The following BCL2L11 variants were observed in gnomAD, a reference collection of about 807,000 sequenced individuals.
BCL2L11 encodes the protein bcl-2-like protein 11.
BCL2L11 carries 15 observed loss-of-function variants against 20.6 expected under a neutral mutation model. The ratio of observed to expected loss-of-function variants is 0.73; its 90% CI spans 0.49 to 1.12. BCL2L11 has a LOEUF of 1.12. Among genes scored for constraint, BCL2L11 ranks in the 50% most tolerant of loss-of-function variants. The pLI is 0.00. For missense variants in BCL2L11, 292 were observed against 260.9 expected, an observed-to-expected ratio of 1.12 and a Z score of -0.82; for synonymous variants, 108 against 92.8, an observed-to-expected ratio of 1.16 and a Z score of -0.94.
intron 3 of BCL2L11, among the ~76,000 whole-genome samples, chr2:111,153,621 C>T (rs985024064): frequency 2.6e-5 from 4 of 152,154 alleles, no homozygotes; most frequent in African/African-American, 7.2e-5. Context: ...TCTTGGCAAG[C>T]GAGTGTATCT....
At chr2:111,158,369 G>C (rs1470053) in intron 3 of BCL2L11, among the ~76,000 whole-genome samples, 1 of 151,902 alleles carries the variant, frequency 6.6e-6, no homozygotes, top group African/African-American at 2.4e-5. Flanking sequence ...ACAGCCCCTG[G>C]GTATTCTCAG....
At chr2:111,134,007 A>G (rs1018673032) in intron 2 of BCL2L11, among the ~76,000 whole-genome samples, 7 of 152,110 alleles carry the variant, frequency 4.6e-5, no homozygotes, top group Non-Finnish European at 7.4e-5. Flanking sequence ...TAATGTATTA[A>G]TGTTAACATA....
At chr2:111,144,345 A>G (rs1177144226) in intron 2 of BCL2L11, 2 of 869,100 alleles carry the variant, frequency 2.3e-6, no homozygotes, top group East Asian at 2.7e-5. Flanking sequence ...AGTGAGAAAT[A>G]GACCTGGAGG....
Position 111,161,443 on chromosome 2 carries a change from C to T in BCL2L11, c.499-2690C>T, listed in dbSNP as rs61634451. ...GATGCCTCTTCCACCTGATTAAGAA[C>T]CACTGTAGCAGACGCAGACTTATTG... On this transcript the variant is annotated intron_variant, in intron 3 of 3. Coordinates refer to ENST00000393256, the MANE Select transcript of BCL2L11 (RefSeq NM_138621.5). 1,826 of 1,550,528 alleles carry T rather than the reference C, an allele frequency of 1.2e-3. 17 individuals carry two copies. The African/African-American group carries it at 0.014, about 12-fold the overall frequency.
At chr2:111,130,629 T>G (rs913605485) in intron 2 of BCL2L11, among the ~76,000 whole-genome samples, 1 of 152,218 alleles carries the variant, frequency 6.6e-6, no homozygotes, top group Non-Finnish European at 1.5e-5. Context: ...CAGCTAGAAT[T>G]TCTAGTGTTT....
intron 3 of BCL2L11, among the ~76,000 whole-genome samples, chr2:111,153,436 A>C (rs1240153442): frequency 1.3e-5 from 2 of 152,158 alleles, no homozygotes; most frequent in Non-Finnish European, 2.9e-5. Flanking sequence ...GTGATCTTCA[A>C]AGCCACAGAC....
chr2:111,128,729 T>A (rs1179110223), intron 2 of BCL2L11: 2 of 1,548,584 alleles, frequency 1.3e-6, no homozygotes, highest in South Asian at 2.4e-5. Context: ...ACAGAACAAC[T>A]CAACCACAAG....
At chr2:111,150,195 C>A (rs2077082338) in intron 3 of BCL2L11, 48 bp downstream of exon 3, 2 of 1,590,494 alleles carry the variant, frequency 1.3e-6, no homozygotes, top group Non-Finnish European at 8.6e-7. Context: ...CCTCCCCTTC[C>A]ACACTATATT....
rs1423784602 is a variant in BCL2L11, at chr2:111,142,404, TC to T, written c.395-7639del. ...TAGCAAAATCAAGGTGAAAAGTTTT[TC>T]TTTTTATTCAAAATGGGATAAAAAG... On this transcript the variant is annotated intron_variant, in intron 2 of 3. Transcript: ENST00000393256. The T allele has an allele frequency of 9.0e-6, 14 of 1,547,048 alleles. No individual in the cohort carries two copies. In the Admixed American group the frequency reaches 1.8e-4, roughly 20 times the overall value.
At chr2:111,131,514 T>C (rs2073950384) in intron 2 of BCL2L11, 1 of 152,164 alleles carries the variant, frequency 6.6e-6, no homozygotes, top group Admixed American at 6.5e-5. Flanking sequence ...TTTCCAAAAG[T>C]TTATCAGTTT....
At chr2:111,141,667 AAAT>A (rs551292240) in intron 2 of BCL2L11, among the ~76,000 whole-genome samples, 9 of 151,258 alleles carry the variant, frequency 6.0e-5, no homozygotes, top group Non-Finnish European at 1.0e-4. Flanking sequence ...AGTATATAAA[AAAT>A]AATAATAATA....
chr2:111,137,466 G>A (rs576627437), intron 2 of BCL2L11, among the ~76,000 whole-genome samples: 1 of 152,206 alleles, frequency 6.6e-6, no homozygotes, highest in South Asian at 2.1e-4. Context: ...GCTGAGACTT[G>A]TGCTGGGGCA....
intron 3 of BCL2L11, among the ~76,000 whole-genome samples, chr2:111,159,751 C>T (rs544958130): frequency 1.3e-5 from 2 of 152,326 alleles, no homozygotes; most frequent in African/African-American, 2.4e-5. Flanking sequence ...GCTGCAGTGG[C>T]AGCTCCAGCC....
At chr2:111,146,011 G>A in intron 2 of BCL2L11, 1 of 983,878 alleles carries the variant, frequency 1.0e-6, no homozygotes, top group Non-Finnish European at 1.2e-6. Flanking sequence ...GCTACTTGCA[G>A]GATTGGAGCT....
chr2:111,146,123 T>C, intron 2 of BCL2L11: 5 of 985,322 alleles, frequency 5.1e-6, no homozygotes, highest in Non-Finnish European at 6.0e-6. Flanking sequence ...TGGAGTGAAG[T>C]GCTTTCATAA....
chr2:111,153,890 G>GT, intron 3 of BCL2L11: 1 of 1,548,856 alleles, frequency 6.5e-7, no homozygotes, highest in Non-Finnish European at 8.7e-7. Flanking sequence ...GAAGGAGGAG[G>GT]TGAGAGAGGC....
intron 2 of BCL2L11, among the ~76,000 whole-genome samples, chr2:111,147,857 T>A (rs981526736): frequency 4.6e-5 from 7 of 152,206 alleles, no homozygotes; most frequent in Non-Finnish European, 1.0e-4. Context: ...CAAAGAAATT[T>A]AGCAGTTAGT....
Position 111,153,648 on chromosome 2 carries a change from G to A in BCL2L11, c.498+3501G>A, listed in dbSNP as rs140742166. 2.8e-5 allele frequency: 30 copies of A among 1,081,336 alleles called. No individual in the cohort carries two copies. The African/African-American group carries it at 4.4e-4, about 16-fold the overall frequency. 67.0% of individuals were successfully genotyped at this position (1,081,336 alleles called of 1,614,324 possible). ...AGTGTATCTCACTGTGCTGCTTTAG[G>A]ATGGATATTAACCTTTTAAATGTTG... On this transcript the variant is annotated intron_variant, in intron 3 of 3. Transcript: ENST00000393256.
intron 2 of BCL2L11, among the ~76,000 whole-genome samples, chr2:111,139,002 C>G (rs1436387058): frequency 6.6e-6 from 1 of 152,144 alleles, no homozygotes; most frequent in Admixed American, 6.5e-5. Context: ...GAAGTGCTCT[C>G]TACTGCTTTC....
Sources: allele counts gnomAD v4.1 joint callset (sites outside exome capture counted in the v4.1 genomes callset), GRCh38; gene constraint gnomAD v4.1.1; transcripts MANE v1.5; gene names NCBI Gene and HGNC (gene_info 2026-07-23, HGNC 2026-07-21).